Variants in NXPH1 observed in about 807,000 individuals in gnomAD.
NXPH1 encodes neurexophilin-1.
In NXPH1, 5 loss-of-function variants were observed where a neutral mutation model predicts 23.7. The observed-to-expected ratio is 0.21, with a 90% CI of 0.11 to 0.44. The LOEUF (loss-of-function observed/expected upper bound fraction) is 0.44, where lower values mean the gene tolerates loss of function less well. Among genes scored for constraint, NXPH1 ranks in the 20% least tolerant of loss-of-function variants. NXPH1 has a pLI of 0.99. For missense variants in NXPH1, 324 were observed against 321.6 expected (o/e 1.01, Z -0.06); for synonymous variants, 144 against 122.2 (o/e 1.18, Z -1.18).
intron 2 of NXPH1, among the ~76,000 whole-genome samples, chr7:8,588,439 G>A (rs938798029): frequency 1.3e-5 from 2 of 149,548 alleles, no homozygotes; most frequent in African/African-American, 2.5e-5. Flanking sequence ...GACAGGGAAA[G>A]TTGTGTCCCA....
At chr7:8,575,632 C>T (rs1367312185) in intron 2 of NXPH1, among the ~76,000 whole-genome samples, 1 of 152,040 alleles carries the variant, frequency 6.6e-6, no homozygotes, top group Non-Finnish European at 1.5e-5. Flanking sequence ...TAGATTTATT[C>T]CATTTGAATT....
intron 2 of NXPH1, among the ~76,000 whole-genome samples, chr7:8,542,714 A>G (rs1818138624): frequency 6.6e-6 from 1 of 151,558 alleles, no homozygotes; most frequent in Admixed American, 6.6e-5. Flanking sequence ...ATTCAAGTGA[A>G]AGTCTCCTTT....
intron 2 of NXPH1, among the ~76,000 whole-genome samples, chr7:8,666,457 A>G (rs2107472): frequency 0.72 from 109,987 of 151,858 alleles, 40,326 homozygotes; most frequent in East Asian, 1. Context: ...GAGAGTTTTC[A>G]TATTTATGTT....
chr7:8,730,980 A>G (rs1332934601), intron 2 of NXPH1, among the ~76,000 whole-genome samples: 61 of 147,184 alleles, frequency 4.1e-4, no homozygotes, highest in African/African-American at 1.4e-3. Context: ...AGGTACACCA[A>G]TCAGACGTAG....
intron 2 of NXPH1, among the ~76,000 whole-genome samples, chr7:8,669,125 C>T (rs1820826892): frequency 2.0e-5 from 3 of 152,206 alleles, no homozygotes; most frequent in Admixed American, 2.0e-4. Flanking sequence ...GGGTCTGAAG[C>T]CTGTATCTGC....
At chr7:8,696,472 G>A (rs950850398) in intron 2 of NXPH1, among the ~76,000 whole-genome samples, 1 of 152,182 alleles carries the variant, frequency 6.6e-6, no homozygotes, top group African/African-American at 2.4e-5. Flanking sequence ...GCAAGATATT[G>A]TGATTGGAAT....
chr7:8,745,456 G>A (rs990786009), intron 2 of NXPH1, among the ~76,000 whole-genome samples: 6 of 151,772 alleles, frequency 4.0e-5, no homozygotes, highest in Non-Finnish European at 5.9e-5. Context: ...GGTGGGTGGA[G>A]TAGAGAGATG....
intron 2 of NXPH1, among the ~76,000 whole-genome samples, chr7:8,611,159 T>C (rs1819610712): frequency 6.6e-6 from 1 of 152,154 alleles, no homozygotes; most frequent in Admixed American, 6.6e-5. Flanking sequence ...GATATTTTGA[T>C]ACATGTATAC....
intron 2 of NXPH1, among the ~76,000 whole-genome samples, chr7:8,581,458 G>A (rs1818870516): frequency 6.6e-6 from 1 of 152,072 alleles, no homozygotes; most frequent in Non-Finnish European, 1.5e-5. Context: ...TGGGGGAAGT[G>A]CCACACAGTT....
At chr7:8,492,809 G>A (rs187320874) in intron 2 of NXPH1, among the ~76,000 whole-genome samples, 62 of 152,052 alleles carry the variant, frequency 4.1e-4, no homozygotes, top group Non-Finnish European at 3.7e-4. Flanking sequence ...TGCACAATGA[G>A]CCTTCTTAAT....
chr7:8,565,875 T>TA (rs1303416390), intron 2 of NXPH1, among the ~76,000 whole-genome samples: 3 of 151,798 alleles, frequency 2.0e-5, no homozygotes, highest in Non-Finnish European at 2.9e-5. Flanking sequence ...ACAAAGTTGT[T>TA]AAAGTATTCA....
At chr7:8,490,201 T>C (rs749561355) in intron 2 of NXPH1, among the ~76,000 whole-genome samples, 2 of 152,056 alleles carry the variant, frequency 1.3e-5, no homozygotes, top group South Asian at 2.1e-4. Context: ...ATTTCATGAA[T>C]GCTACTTAGA....
chr7:8,471,175 G>A (rs1282697727), intron 2 of NXPH1, among the ~76,000 whole-genome samples: 1 of 152,086 alleles, frequency 6.6e-6, no homozygotes, highest in Non-Finnish European at 1.5e-5. Flanking sequence ...GCCGAGTTTA[G>A]CGTCTCAAAA....
At chr7:8,612,777 AAGAG>A (rs1045596416) in intron 2 of NXPH1, among the ~76,000 whole-genome samples, 2 of 152,054 alleles carry the variant, frequency 1.3e-5, no homozygotes, top group African/African-American at 4.8e-5. Flanking sequence ...TTTGTAAATA[AAGAG>A]AGACACAGAG....
intron 2 of NXPH1, among the ~76,000 whole-genome samples, chr7:8,647,583 T>C (rs1053429774): frequency 5.3e-5 from 8 of 152,128 alleles, no homozygotes; most frequent in Non-Finnish European, 1.0e-4. Flanking sequence ...TTGAAATTCT[T>C]TTGTGTGGTT....
At chr7:8,638,764 T>G (rs1820259147) in intron 2 of NXPH1, among the ~76,000 whole-genome samples, 1 of 152,190 alleles carries the variant, frequency 6.6e-6, no homozygotes, top group South Asian at 2.1e-4. Flanking sequence ...ATCCTATAGT[T>G]AATTCTGTAT....
chr7:8,504,989 A>C (rs1817497623), intron 2 of NXPH1, among the ~76,000 whole-genome samples: 2 of 152,102 alleles, frequency 1.3e-5, no homozygotes, highest in South Asian at 4.1e-4. Context: ...TTACTAAGGC[A>C]TTCAGTTTGA....
chr7:8,613,157 T>G (rs1819656062), intron 2 of NXPH1, among the ~76,000 whole-genome samples: 1 of 149,566 alleles, frequency 6.7e-6, no homozygotes, highest in Admixed American at 6.7e-5. Flanking sequence ...ATTCAGAGGG[T>G]TTTTTTTTCA....
At chr7:8,492,083 C>T (rs150253802) in intron 2 of NXPH1, among the ~76,000 whole-genome samples, 1 of 152,130 alleles carries the variant, frequency 6.6e-6, no homozygotes, top group Non-Finnish European at 1.5e-5. Flanking sequence ...TGAGTGCAAG[C>T]ACAAGGAAAT....
Sources: gnomAD v4.1 joint callset for allele counts (sites outside exome capture counted in the v4.1 genomes callset) on GRCh38, gnomAD v4.1.1 for gene constraint, MANE v1.5 for transcripts, NCBI Gene and HGNC (gene_info 2026-07-23, HGNC 2026-07-21) for gene names.